Variants in BANK1 observed in about 807,000 individuals in gnomAD.
BANK1 encodes B cell scaffold protein with ankyrin repeats 1.
A neutral mutation model predicts 94.5 loss-of-function variants in BANK1; 95 were observed. The observed-to-expected ratio is 1.00, with a 90% confidence interval of 0.85 to 1.19. The LOEUF (loss-of-function observed/expected upper bound fraction) is 1.19. Among genes scored for constraint, BANK1 ranks in the 50% most tolerant of loss-of-function variants. BANK1 has a pLI of 0.00. For synonymous variants in BANK1, 334 were observed against 308.4 expected (o/e 1.08, Z -0.87); for missense variants, 987 against 932.2 (o/e 1.06, Z -0.77).
intron 7 of BANK1, 56 bp downstream of exon 7, chr4:101,918,245 G>C: frequency 8.0e-7 from 1 of 1,246,878 alleles, no homozygotes; most frequent in Non-Finnish European, 1.1e-6. Context: ...TTGTAGAAGA[G>C]ACTGTAAGAA....
At chr4:102,027,819 A>G (rs1010937654) in intron 9 of BANK1, among the ~76,000 whole-genome samples, 1 of 152,156 alleles carries the variant, frequency 6.6e-6, no homozygotes, top group South Asian at 2.1e-4. Context: ...TTTTTAACCC[A>G]AGAATCCTGG....
intron 5 of BANK1, among the ~76,000 whole-genome samples, chr4:101,890,752 AT>A (rs565207577): frequency 0.044 from 5,843 of 132,868 alleles, 219 homozygotes; most frequent in African/African-American, 0.1. Flanking sequence ...TGTGTTACTT[AT>A]TTTTTTTTTA....
At chr4:101,919,560 C>T (rs1722934353) in intron 7 of BANK1, among the ~76,000 whole-genome samples, 1 of 152,018 alleles carries the variant, frequency 6.6e-6, no homozygotes, top group African/African-American at 2.4e-5. Flanking sequence ...CCTGCAATAA[C>T]AGCACTGATA....
At chr4:101,893,867 A>C (rs1204717505) in intron 5 of BANK1, among the ~76,000 whole-genome samples, 2 of 152,100 alleles carry the variant, frequency 1.3e-5, no homozygotes, top group Non-Finnish European at 2.9e-5. Flanking sequence ...TTGCAAACTT[A>C]TCAGGTGTTC....
chr4:102,034,028 T>A (rs1727414239), intron 10 of BANK1, among the ~76,000 whole-genome samples: 1 of 89,612 alleles, frequency 1.1e-5, no homozygotes, highest in Non-Finnish European at 2.3e-5. Context: ...TCCTCACATC[T>A]TTCCTTTTTT....
chr4:101,812,659 G>T (rs1176570791), intron 1 of BANK1, among the ~76,000 whole-genome samples: 1 of 151,836 alleles, frequency 6.6e-6, no homozygotes, highest in Non-Finnish European at 1.5e-5. Flanking sequence ...TTTCTCCCTG[G>T]TTCTTCATAT....
At chr4:102,029,193 C>T (rs1327866406) in intron 9 of BANK1, among the ~76,000 whole-genome samples, 1 of 152,122 alleles carries the variant, frequency 6.6e-6, no homozygotes, top group Non-Finnish European at 1.5e-5. Flanking sequence ...TGGCCAGTGT[C>T]CTTTATCTAT....
In BANK1 at chr4:102,025,378, A is replaced by G. The variant is rs760043813; in HGVS notation, c.1463A>G (p.Tyr488Cys). The part of the protein sequence containing the change: ...ESSEDQYDDL[Y>C]VFIPGADPEN... ...TCTGAAGACCAGTATGATGACTTGTATGTGTTCATTCCTGGTGCTGATCCA... is the reference window on the plus strand; with the variant it reads ...TCTGAAGACCAGTATGATGACTTGTGTGTGTTCATTCCTGGTGCTGATCCA... The change falls in exon 9 of 17, where the codon TAT becomes TGT. Residue 488 changes from tyrosine (Y) to cysteine (C), a missense_variant. By Grantham distance (194) the Tyr-to-Cys change is radical (BLOSUM62 -2). Coordinates refer to ENST00000322953, the MANE Select transcript of BANK1 (RefSeq NM_017935.5). 1.3e-5 allele frequency: 21 copies of G among 1,614,000 alleles called. 1 individual carries two copies. In the South Asian group the frequency reaches 2.1e-4, roughly 16 times the overall value.
intron 7 of BANK1, among the ~76,000 whole-genome samples, chr4:102,014,584 G>A (rs1434543334): frequency 4.6e-5 from 7 of 152,058 alleles, no homozygotes; most frequent in Non-Finnish European, 7.4e-5. Context: ...CAAAATTAAA[G>A]GACTATAATT....
chr4:101,885,322 G>A (rs1331148196), intron 5 of BANK1, among the ~76,000 whole-genome samples: 3 of 152,158 alleles, frequency 2.0e-5, no homozygotes, highest in Non-Finnish European at 4.4e-5. Context: ...GAGCCATGTA[G>A]CCCTGCAGAG....
intron 1 of BANK1, among the ~76,000 whole-genome samples, chr4:101,812,033 G>T (rs1044327450): frequency 6.6e-6 from 1 of 151,920 alleles, no homozygotes; most frequent in Non-Finnish European, 1.5e-5. Flanking sequence ...AGTGATTAGA[G>T]AATTAATATT....
At chr4:102,032,276 T>C (rs1020260738) in intron 10 of BANK1, 1 of 152,238 alleles carries the variant, frequency 6.6e-6, no homozygotes, top group Admixed American at 6.5e-5. Context: ...GTTGTGTTCG[T>C]CTACCGTTTG....
At chr4:101,813,996 A>T in intron 1 of BANK1, 1 of 632,944 alleles carries the variant, frequency 1.6e-6, no homozygotes, top group Non-Finnish European at 2.0e-6. Context: ...ATTGATACGT[A>T]TGATATAAAT....
At chr4:101,988,334 C>T (rs1225462845) in intron 7 of BANK1, among the ~76,000 whole-genome samples, 1 of 152,102 alleles carries the variant, frequency 6.6e-6, no homozygotes, top group South Asian at 2.1e-4. Context: ...TTCTAATTAG[C>T]ACTGAAATTG....
intron 7 of BANK1, among the ~76,000 whole-genome samples, chr4:102,012,527 C>T (rs1726544700): frequency 6.6e-6 from 1 of 152,128 alleles, no homozygotes; most frequent in Non-Finnish European, 1.5e-5. Context: ...CACTTATTTT[C>T]TGATAGTAAT....
chr4:101,803,947 G>A (rs549752042), intron 1 of BANK1, among the ~76,000 whole-genome samples: 1 of 121,064 alleles, frequency 8.3e-6, no homozygotes, highest in Admixed American at 1.0e-4. Flanking sequence ...GCAGTGAGCC[G>A]AGATCCCGCC....
intron 2 of BANK1, among the ~76,000 whole-genome samples, chr4:101,847,537 C>T (rs1371845428): frequency 6.6e-6 from 1 of 152,002 alleles, no homozygotes; most frequent in Non-Finnish European, 1.5e-5. Context: ...CCCTCACTCC[C>T]ACAGGTCCCT....
chr4:101,912,850 A>T (rs1722710417), intron 6 of BANK1, among the ~76,000 whole-genome samples: 1 of 152,066 alleles, frequency 6.6e-6, no homozygotes, highest in African/African-American at 2.4e-5. Context: ...GCATTTTATT[A>T]TCAAATCATT....
At chr4:102,071,171 A>C in intron 13 of BANK1, 104 bp from the exon 14 acceptor site, 2 of 1,295,444 alleles carry the variant, frequency 1.5e-6, no homozygotes, top group Non-Finnish European at 2.2e-6. Flanking sequence ...TTTCATAGCA[A>C]CCTCAAAGAC....
Sources: allele counts gnomAD v4.1 joint callset (sites outside exome capture counted in the v4.1 genomes callset), GRCh38; gene constraint gnomAD v4.1.1; transcripts MANE v1.5; gene names NCBI Gene and HGNC (gene_info 2026-07-23, HGNC 2026-07-21).